DAB1: variants seen among roughly 807,000 people sequenced by gnomAD.
DAB1 encodes DAB adaptor protein 1.
Under a neutral mutation model 64.6 loss-of-function variants are expected in DAB1, and 15 were observed. The observed-to-expected ratio is 0.23, with a 90% confidence interval of 0.16 to 0.36. DAB1 has a LOEUF of 0.36. Ranked by LOEUF, DAB1 falls within the 10% of genes least tolerant of loss-of-function variation. The pLI is 1.00. For missense variants in DAB1, 596 were observed against 706.7 expected (o/e 0.84, Z 1.78); for synonymous variants, 235 against 251.9 (o/e 0.93, Z 0.64).
intron 1 of DAB1, among the ~76,000 whole-genome samples, chr1:57,322,598 A>G (rs1391716611): frequency 1.3e-5 from 2 of 152,124 alleles, no homozygotes; most frequent in Non-Finnish European, 2.9e-5. Context: ...AGTTTTCTCC[A>G]ATGTCATTGC....
intron 4 of DAB1, among the ~76,000 whole-genome samples, chr1:58,242,274 T>G (rs190053119): frequency 1.3e-5 from 2 of 152,216 alleles, no homozygotes; most frequent in Admixed American, 1.3e-4. Context: ...AATTCCTGCC[T>G]ATGTATATGT....
rs1441865610 is a variant in DAB1 at position 57,439,421 on chromosome 1, TTTTC to T, written n.626-148259_626-148256del. Among the ~76,000 whole-genome samples the T allele has an allele frequency of 3.4e-4, 40 of 118,924 alleles. 5 individuals are homozygous for T. Among genetic ancestry groups the T allele is most frequent in the African/African-American group, 9.7e-4 (26 of 26,842 alleles). 78.0% of individuals were successfully genotyped at this position (118,924 alleles called of 152,430 possible). A position where few individuals can be genotyped will look rare whatever the true frequency, so the allele number is the denominator to read the frequency against. On this transcript the variant is annotated intron_variant and non_coding_transcript_variant, in intron 7 of 20. Transcript: ENST00000485760. ...ATGCCATCAACTTGGTGATGAGGTT[TTTTC>T]TTTTTTTTTTTTTTTTTTTTTTGAG...
At chr1:57,074,045 T>G (rs1013041782) in intron 4 of DAB1, among the ~76,000 whole-genome samples, 2 of 152,108 alleles carry the variant, frequency 1.3e-5, no homozygotes, top group African/African-American at 4.8e-5. Context: ...GCCGGCTCAT[T>G]TTTTTGTAGA....
chr1:57,880,304 T>C (rs940665022), intron 1 of DAB1: 1 of 152,160 alleles, frequency 6.6e-6, no homozygotes, highest in Admixed American at 6.5e-5. Context: ...TGCAGCCCTA[T>C]GTGACAGTCT....
At chr1:57,564,234 T>C (rs1645089233) in intron 7 of DAB1, among the ~76,000 whole-genome samples, 1 of 152,054 alleles carries the variant, frequency 6.6e-6, no homozygotes, top group Non-Finnish European at 1.5e-5. Flanking sequence ...TCCTGACTAT[T>C]AGAAGGAAAA....
chr1:57,883,411 G>A (rs1644175249), intron 1 of DAB1, among the ~76,000 whole-genome samples: 1 of 152,156 alleles, frequency 6.6e-6, no homozygotes, highest in East Asian at 1.9e-4. Flanking sequence ...AAGCCAGACT[G>A]CATTGTATTC....
intron 5 of DAB1, among the ~76,000 whole-genome samples, chr1:58,084,103 T>C (rs1650160967): frequency 1.3e-5 from 2 of 152,242 alleles, no homozygotes; most frequent in South Asian, 2.1e-4. Flanking sequence ...ATAATGTATA[T>C]ATGTAAAGAC....
At chr1:57,369,332 C>T (rs1284512277) in intron 1 of DAB1, among the ~76,000 whole-genome samples, 5 of 152,222 alleles carry the variant, frequency 3.3e-5, no homozygotes, top group Admixed American at 2.0e-4. Flanking sequence ...TTGATGCCCA[C>T]GTAGTATCAA....
At chr1:57,055,749 C>T (rs770097108) in intron 9 of DAB1, among the ~76,000 whole-genome samples, 13 of 152,040 alleles carry the variant, frequency 8.6e-5, no homozygotes, top group Non-Finnish European at 1.5e-4. Flanking sequence ...ATCCTGTTGG[C>T]TTTGAGTCCT....
At chr1:58,143,283 A>G (rs983696293) in intron 5 of DAB1, among the ~76,000 whole-genome samples, 3 of 152,160 alleles carry the variant, frequency 2.0e-5, no homozygotes, top group Non-Finnish European at 2.9e-5. Flanking sequence ...TAGAGTGGAA[A>G]AGAAGATGCC....
At chr1:57,525,027 C>T (rs1407502054) in intron 7 of DAB1, among the ~76,000 whole-genome samples, 1 of 152,220 alleles carries the variant, frequency 6.6e-6, no homozygotes, top group Non-Finnish European at 1.5e-5. Flanking sequence ...CCAAAGTCTG[C>T]ATTCAGCCAA....
At chr1:58,113,382 C>T (rs1652099450) in intron 5 of DAB1, among the ~76,000 whole-genome samples, 1 of 152,094 alleles carries the variant, frequency 6.6e-6, no homozygotes, top group South Asian at 2.1e-4. Flanking sequence ...GTGTCCTTCC[C>T]GAATTCCTCC....
chr1:57,547,068 G>A (rs1014174634), intron 7 of DAB1, among the ~76,000 whole-genome samples: 1 of 151,070 alleles, frequency 6.6e-6, no homozygotes. Flanking sequence ...GCTAGGAAAT[G>A]AAAAAACCAG....
chr1:57,614,037 G>T (rs1182281252), intron 7 of DAB1, among the ~76,000 whole-genome samples: 1 of 152,160 alleles, frequency 6.6e-6, no homozygotes, highest in Admixed American at 6.5e-5. Context: ...GACCTGGCAT[G>T]TTGCATAAAG....
At chr1:57,061,061 A>AG (rs1390069099) in intron 9 of DAB1, among the ~76,000 whole-genome samples, 1 of 152,088 alleles carries the variant, frequency 6.6e-6, no homozygotes, top group Non-Finnish European at 1.5e-5. Flanking sequence ...TTCAGTGACA[A>AG]GGGGGCCTGA....
intron 7 of DAB1, among the ~76,000 whole-genome samples, chr1:57,513,737 A>T (rs1486466142): frequency 6.6e-6 from 1 of 152,210 alleles, no homozygotes; most frequent in Non-Finnish European, 1.5e-5. Context: ...TTTCAAGTGT[A>T]TGTTGTTATT....
chr1:57,941,095 T>A (rs956862270), intron 5 of DAB1, among the ~76,000 whole-genome samples: 2 of 152,194 alleles, frequency 1.3e-5, no homozygotes, highest in African/African-American at 4.8e-5. Flanking sequence ...CCTTTAGGAC[T>A]CTTAGGCATG....
chr1:58,243,943 A>AC (rs1044058763), intron 4 of DAB1, among the ~76,000 whole-genome samples: 1 of 152,148 alleles, frequency 6.6e-6, no homozygotes, highest in African/African-American at 2.4e-5. Flanking sequence ...ATGAAAAAAA[A>AC]ACACACACAC....
intron 5 of DAB1, among the ~76,000 whole-genome samples, chr1:58,134,704 G>A (rs1653845108): frequency 6.6e-6 from 1 of 152,076 alleles, no homozygotes; most frequent in Admixed American, 6.6e-5. Context: ...CAGATATTGT[G>A]AGAACTCTAT....
Sources: allele counts gnomAD v4.1 joint callset (sites outside exome capture counted in the v4.1 genomes callset), GRCh38; gene constraint gnomAD v4.1.1; transcripts MANE v1.5; gene names NCBI Gene and HGNC (gene_info 2026-07-23, HGNC 2026-07-21).